Variants in ADAM12 observed in about 807,000 individuals in gnomAD.
The protein encoded by ADAM12 is disintegrin and metalloproteinase domain-containing protein 12.
A neutral mutation model predicts 106.4 loss-of-function variants in ADAM12; 70 were observed. The ratio of observed to expected loss-of-function variants is 0.66; its 90% confidence interval spans 0.54 to 0.80. The LOEUF is 0.80. ADAM12 is among the 30% of genes least tolerant of loss of function. The pLI, the probability that ADAM12 is intolerant of heterozygous loss-of-function variation, is 0.00. For synonymous variants in ADAM12, 420 were observed against 433.5 expected (o/e 0.97, Z 0.39); for missense variants, 1,010 against 1,171.9 (o/e 0.86, Z 2.02).
chr10:126,321,905 C>CGGGG (rs4019511), intron 2 of ADAM12, among the ~76,000 whole-genome samples: 25 of 94,156 alleles, frequency 2.7e-4, no homozygotes, highest in Non-Finnish European at 3.7e-4. Flanking sequence ...ACCTGGGGGT[C>CGGGG]GGGGGGGGGG....
At chr10:126,128,103 G>A (rs1213292720) in intron 5 of ADAM12, among the ~76,000 whole-genome samples, 1 of 152,132 alleles carries the variant, frequency 6.6e-6, no homozygotes, top group Admixed American at 6.6e-5. Flanking sequence ...TTATCACTGA[G>A]AGGCCATGAG....
intron 18 of ADAM12, chr10:126,041,246 T>C: frequency 1.3e-6 from 1 of 782,292 alleles, no homozygotes; most frequent in African/African-American, 1.9e-5. Flanking sequence ...ACTTGTTTAA[T>C]GAGCCCCTGA....
At chr10:126,223,254 T>G (rs563928374) in intron 3 of ADAM12, among the ~76,000 whole-genome samples, 1 of 152,348 alleles carries the variant, frequency 6.6e-6, no homozygotes, top group East Asian at 1.9e-4. Context: ...GTCTAAAGTA[T>G]AATGCTCTGA....
intron 3 of ADAM12, among the ~76,000 whole-genome samples, chr10:126,181,160 C>T (rs1300681507): frequency 4.0e-5 from 6 of 151,892 alleles, no homozygotes; most frequent in Admixed American, 3.9e-4. Context: ...CAACCTCCGC[C>T]TCCTGGGTTC....
intron 3 of ADAM12, among the ~76,000 whole-genome samples, chr10:126,252,585 G>A (rs1264278706): frequency 6.6e-6 from 1 of 152,158 alleles, no homozygotes; most frequent in African/African-American, 2.4e-5. Flanking sequence ...AGCTCCAGAA[G>A]AGAAAGTGGG....
chr10:126,176,981 C>T (rs1365887865), intron 3 of ADAM12, among the ~76,000 whole-genome samples: 1 of 152,128 alleles, frequency 6.6e-6, no homozygotes, highest in African/African-American at 2.4e-5. Context: ...CATAGTGAAT[C>T]TGTCATTGGG....
rs34064275 is a variant in ADAM12 at position 126,375,742 on chromosome 10, C to CTT, written c.88+12314_88+12315dup. Among the ~76,000 whole-genome samples, 1,388 of 140,386 alleles carry CTT rather than the reference C, an allele frequency of 9.9e-3. 37 individuals are homozygous for CTT. The highest frequency in any genetic ancestry group is 0.035 in the African/African-American group (1,329 of 38,182). 92.1% of individuals were successfully genotyped at this position (140,386 alleles called of 152,430 possible). On this transcript the variant is annotated intron_variant, in intron 1 of 22. Coordinates refer to ENST00000448723, the MANE Select transcript of ADAM12 (RefSeq NM_001288973.2). ...AGACTAGCAATCACTTCTTCTTCTTCTTTTTTTTTTTTCTTTCTTTTTTGA... is the reference window on the plus strand; with the variant it reads ...AGACTAGCAATCACTTCTTCTTCTTCTTTTTTTTTTTTTTCTTTCTTTTTTGA...
chr10:126,147,232 A>G (rs898292751), intron 4 of ADAM12, among the ~76,000 whole-genome samples: 3 of 152,146 alleles, frequency 2.0e-5, no homozygotes, highest in Non-Finnish European at 4.4e-5. Context: ...GATCATGTCT[A>G]AGGGGAGACA....
At chr10:126,151,421 T>C (rs1423564413) in intron 4 of ADAM12, among the ~76,000 whole-genome samples, 1 of 152,190 alleles carries the variant, frequency 6.6e-6, no homozygotes, top group African/African-American at 2.4e-5. Context: ...TTAGTAGATA[T>C]ACTAATGTTG....
intron 18 of ADAM12, chr10:126,041,793 G>T (rs936364974): frequency 1.8e-6 from 2 of 1,123,280 alleles, no homozygotes; most frequent in Non-Finnish European, 2.2e-6. Context: ...TGCTGTGGAG[G>T]CTCAGTGAAA....
intron 11 of ADAM12, among the ~76,000 whole-genome samples, chr10:126,086,681 ATATATATAT>A (rs373188280): frequency 3.5e-5 from 1 of 28,470 alleles, no homozygotes; most frequent in African/African-American, 3.2e-4. Flanking sequence ...AAAAAAAAAA[ATATATATAT>A]ATATATATAT....
rs111691001 is a variant in ADAM12, at chr10:126,363,479, T to G, written c.88+24579A>C. 2.6e-5 allele frequency among the ~76,000 whole-genome samples: 4 copies of G among 152,208 alleles called. No homozygotes were observed. In the East Asian group the frequency reaches 7.7e-4, roughly 29 times the overall value. ...ATCCCTCTATCTGAGCCCCAAGGAGTCCCTTGTCTGGGGGTGGGATATGGC... is the reference window on the plus strand; with the variant it reads ...ATCCCTCTATCTGAGCCCCAAGGAGGCCCTTGTCTGGGGGTGGGATATGGC... On this transcript the variant is annotated intron_variant, in intron 1 of 22. Coordinates refer to ENST00000448723, the MANE Select transcript of ADAM12 (RefSeq NM_001288973.2).
In ADAM12 at chr10:126,042,814, A is replaced by G. The variant is rs577527640; in HGVS notation, c.2104+226T>C. ...AAGTGTCGCAGGCTAAGGAACTGGC[A>G]AACTCAGCCACTCAGTCAAAGCAGA... On this transcript the variant is annotated intron_variant, in intron 18 of 22. Transcript: ENST00000448723. Among the ~76,000 whole-genome samples, 45 of 152,356 alleles carry G rather than the reference A, an allele frequency of 3.0e-4. No homozygotes were observed. The South Asian group carries it at 3.9e-3, about 13-fold the overall frequency.
rs112518029 is a variant in ADAM12 at position 126,076,311 on chromosome 10, C to T, written c.1146-4657G>A. Among the ~76,000 whole-genome samples, 112 of 152,312 alleles carry T rather than the reference C, an allele frequency of 7.4e-4. 2 individuals are homozygous for T. Among genetic ancestry groups the T allele is most frequent in the African/African-American group, 2.6e-3 (109 of 41,586 alleles). On this transcript the variant is annotated intron_variant, in intron 11 of 22. Transcript: ENST00000448723. ...CCATACCACGTTTTCTTTATCCAATCCACTGTTGAAGGGCACCTAGGTTGA... is the reference window on the plus strand; with the variant it reads ...CCATACCACGTTTTCTTTATCCAATTCACTGTTGAAGGGCACCTAGGTTGA...
intron 4 of ADAM12, among the ~76,000 whole-genome samples, chr10:126,144,187 C>A (rs964637653): frequency 6.6e-6 from 1 of 152,172 alleles, no homozygotes; most frequent in Non-Finnish European, 1.5e-5. Context: ...GACCTCCAGG[C>A]AAACTGGGCC....
At chr10:126,374,209 G>A (rs1172482154) in intron 1 of ADAM12, among the ~76,000 whole-genome samples, 1 of 152,192 alleles carries the variant, frequency 6.6e-6, no homozygotes, top group Non-Finnish European at 1.5e-5. Context: ...AATCCCTGAG[G>A]CATCTGTCAT....
chr10:126,287,911 G>T (rs560235076), intron 2 of ADAM12, among the ~76,000 whole-genome samples: 41 of 152,054 alleles, frequency 2.7e-4, no homozygotes, highest in Non-Finnish European at 4.0e-4. Flanking sequence ...ATTTGTCAGC[G>T]TGCTCCACAT....
rs528686978 is a variant in ADAM12, at chr10:126,242,675, G to A, written c.260+36240C>T. Among the ~76,000 whole-genome samples, 8 of 152,310 alleles carry A rather than the reference G, an allele frequency of 5.3e-5. No individual in the cohort carries two copies. In the South Asian group the frequency reaches 1.7e-3, roughly 32 times the overall value. ...ATTGTGCTTTATTTGAGTTGGAATA[G>A]GTACGGAAGTGCTCTCTCTGAGTTT... On this transcript the variant is annotated intron_variant, in intron 3 of 22. Coordinates refer to ENST00000448723, the MANE Select transcript of ADAM12 (RefSeq NM_001288973.2).
At chr10:126,272,312 A>G (rs1214010871) in intron 3 of ADAM12, among the ~76,000 whole-genome samples, 2 of 152,246 alleles carry the variant, frequency 1.3e-5, no homozygotes, top group Non-Finnish European at 2.9e-5. Context: ...ATCAATAAAG[A>G]TTAATTAATA....
Sources: gnomAD v4.1 joint callset for allele counts (sites outside exome capture counted in the v4.1 genomes callset) on GRCh38, gnomAD v4.1.1 for gene constraint, MANE v1.5 for transcripts, NCBI Gene and HGNC (gene_info 2026-07-23, HGNC 2026-07-21) for gene names.